The following CEP72 variants were observed in gnomAD, a reference collection of about 807,000 sequenced individuals.
CEP72 encodes the protein centrosomal protein 72.
CEP72 carries 78 observed loss-of-function variants against 65.7 expected under a neutral mutation model. The ratio of observed to expected loss-of-function variants is 1.19; its 90% CI spans 0.99 to 1.43. CEP72 has a LOEUF of 1.43. CEP72 is among the 40% of genes most tolerant of loss of function. CEP72 has a pLI of 0.00. For missense variants in CEP72, 914 were observed against 832.9 expected, an observed-to-expected ratio of 1.10 and a Z score of -1.20; for synonymous variants, 358 against 351.7, an observed-to-expected ratio of 1.02 and a Z score of -0.20.
rs1319562766 is a variant in CEP72, at chr5:624,396, G to A, written c.404-75G>A. ...CCCGAGGGGATGGACACCCTGCCCCGTGTAGATGCCCCAGGGTGGATGCAG... is the reference window on the plus strand; with the variant it reads ...CCCGAGGGGATGGACACCCTGCCCCATGTAGATGCCCCAGGGTGGATGCAG... On this transcript the variant is annotated intron_variant, in intron 3 of 11. Transcript: ENST00000264935. The surrounding 1 kb of genome is among the most constrained non-coding windows in gnomAD (Gnocchi z 4.7). 15 of 1,016,634 alleles carry A rather than the reference G, an allele frequency of 1.5e-5. No individual in the cohort carries two copies. Among genetic ancestry groups the A allele is most frequent in the East Asian group, 1.2e-4 (5 of 41,362 alleles). The allele number at this position is 1,016,634 out of a possible 1,614,324, so 63.0% of individuals were successfully genotyped here.
chr5:669,334 T>TG (rs1274091085), downstream of CEP72, among the ~76,000 whole-genome samples: 2 of 152,240 alleles, frequency 1.3e-5, no homozygotes, highest in East Asian at 3.9e-4. Context: ...TCCGCGGTGT[T>TG]GGGGGTGGAT....
intron 1 of CEP72, 97 bp downstream of exon 1, chr5:612,540 C>T (rs1236902918): frequency 1.6e-6 from 2 of 1,262,116 alleles, no homozygotes; most frequent in East Asian, 3.3e-5. Context: ...AGGCGGGACC[C>T]GTCTACGCAG....
intron 11 of CEP72, among the ~76,000 whole-genome samples, chr5:649,200 A>C (rs1414319202): frequency 2.2e-5 from 2 of 92,766 alleles, no homozygotes; most frequent in East Asian, 3.8e-4. Context: ...GTGAGGTGTG[A>C]CTGTGAGGTG....
rs544017124 is a variant in CEP72, at chr5:624,324, A to G, written c.404-147A>G. 5 of 630,894 alleles carry G rather than the reference A, an allele frequency of 7.9e-6. No homozygotes were observed. In the East Asian group the frequency reaches 1.4e-4, roughly 17 times the overall value. 39.1% of individuals were successfully genotyped at this position (630,894 alleles called of 1,614,324 possible). On this transcript the variant is annotated intron_variant, in intron 3 of 11. Transcript: ENST00000264935. This position sits in a 1 kb window ranked among gnomAD's most constrained non-coding sequence, Gnocchi z 4.7. ...GGCATCGCCGGGAAGCTGTGGGACC[A>G]CCAGAGCCCAGCATTCCGGTGCTAG... is the stretch of plus-strand genomic sequence containing the variant.
intron 10 of CEP72, 74 bp from the exon 11 acceptor site, chr5:647,731 A>G (rs1394627415): frequency 2.1e-6 from 2 of 964,462 alleles, no homozygotes; most frequent in African/African-American, 3.3e-5. Flanking sequence ...TTAAATGTAG[A>G]ATTGTTTTCA....
the CEP72 span, among the ~76,000 whole-genome samples, chr5:672,713 C>T: frequency 6.6e-6 from 1 of 152,206 alleles, no homozygotes; most frequent in Non-Finnish European, 1.5e-5. Context: ...CATGGCTCTA[C>T]CGGGCCCCAC....
intron 1 of CEP72, 193 bp downstream of exon 1, chr5:612,636 C>T (rs1579909651): frequency 2.0e-6 from 2 of 985,176 alleles, no homozygotes; most frequent in Non-Finnish European, 2.4e-6. Flanking sequence ...AGGTGCGGCC[C>T]CTGCCCGCGT....
At chr5:615,212 T>C (rs1203027717) in intron 1 of CEP72, among the ~76,000 whole-genome samples, 2 of 149,800 alleles carry the variant, frequency 1.3e-5, no homozygotes, top group African/African-American at 2.5e-5. Flanking sequence ...CTTGGGTCAC[T>C]GCAACCTCTG....
At chr5:650,301 G>A (rs1228783712) in intron 11 of CEP72, among the ~76,000 whole-genome samples, 1 of 92,242 alleles carries the variant, frequency 1.1e-5, no homozygotes. Flanking sequence ...AGGTGTGACT[G>A]TGAGGTGTGA....
chr5:645,222 G>A lies in CEP72; in HGVS notation c.1666+797G>A, dbSNP rs1386489512. Reference sequence around the variant, plus strand: ...CCAGCGGTGGCCTTTGCGGCAGGGAGGCAGCTGTGGATGAGGCCTGTGGCC... The same window carrying A: ...CCAGCGGTGGCCTTTGCGGCAGGGAAGCAGCTGTGGATGAGGCCTGTGGCC... On this transcript the variant is annotated intron_variant, in intron 10 of 11. Transcript: ENST00000264935. The surrounding 1 kb of genome is among the most constrained non-coding windows in gnomAD (Gnocchi z 4.0). Among the ~76,000 whole-genome samples the A allele has an allele frequency of 6.6e-6, 1 of 152,172 alleles. No homozygotes were observed. Among genetic ancestry groups the A allele is most frequent in the African/African-American group, 2.4e-5 (1 of 41,428 alleles).
At chr5:626,776 G>T (rs142001815) in intron 4 of CEP72, among the ~76,000 whole-genome samples, 1 of 152,126 alleles carries the variant, frequency 6.6e-6, no homozygotes, top group African/African-American at 2.4e-5. Context: ...AGCTATGATC[G>T]CACCACTGCA....
At position 653,300 on chromosome 5, in the gene CEP72, C is replaced by T. The variant is rs1275453602; in HGVS notation, c.*147C>T. ...TAGGATTTTTGGAATGTATTCAGGACCTGTAGCTTGGTTTTCTAAAGCACC... is the reference window on the plus strand; with the variant it reads ...TAGGATTTTTGGAATGTATTCAGGATCTGTAGCTTGGTTTTCTAAAGCACC... On this transcript the variant is annotated 3_prime_UTR_variant, in exon 12 of 12. Coordinates refer to ENST00000264935, the MANE Select transcript of CEP72 (RefSeq NM_018140.4). 6 of 773,620 alleles carry T rather than the reference C, an allele frequency of 7.8e-6. No homozygotes were observed. The highest frequency in any genetic ancestry group is 1.1e-5 in the Non-Finnish European group (6 of 524,126). 47.9% of individuals were successfully genotyped at this position (773,620 alleles called of 1,614,324 possible).
chr5:633,281 A>T (rs906640206), intron 4 of CEP72, among the ~76,000 whole-genome samples: 1 of 76,922 alleles, frequency 1.3e-5, no homozygotes, highest in African/African-American at 6.0e-5. Flanking sequence ...CGGGATTTAG[A>T]CCAGTCCTGG....
chr5:665,054 G>C (rs1739836232), intron 2 of CEP72: 1 of 1,574,862 alleles, frequency 6.3e-7, no homozygotes, highest in African/African-American at 1.3e-5. Context: ...AGGTGACAGA[G>C]TCCCTGCTCT....
Position 616,518 on chromosome 5 carries a change from C to G in CEP72, c.83-2472C>G, listed in dbSNP as rs868273888. 1.3e-4 allele frequency among the ~76,000 whole-genome samples: 20 copies of G among 152,176 alleles called. 1 individual carries two copies. Among genetic ancestry groups the G allele is most frequent in the Middle Eastern group, 3.4e-3 (1 of 294 alleles). ...AATTGCCATTTTTCTGGTTCTTGGTCATTTTTTATCATATTGTGGACATGC... is the reference window on the plus strand; with the variant it reads ...AATTGCCATTTTTCTGGTTCTTGGTGATTTTTTATCATATTGTGGACATGC... On this transcript the variant is annotated intron_variant, in intron 1 of 11. Coordinates refer to ENST00000264935, the MANE Select transcript of CEP72 (RefSeq NM_018140.4).
intron 2 of CEP72, chr5:665,040 T>C (rs763639551): frequency 1.3e-6 from 2 of 1,547,360 alleles, no homozygotes; most frequent in Admixed American, 1.7e-5. Flanking sequence ...TGTAATGAAG[T>C]GCGAGGTGAC....
At chr5:669,079 G>T (rs1740083953), downstream of CEP72, among the ~76,000 whole-genome samples, 1 of 152,254 alleles carries the variant, frequency 6.6e-6, no homozygotes, top group African/African-American at 2.4e-5. Context: ...AAGTGCTCGG[G>T]GTCCCACAGC....
Position 624,955 on chromosome 5 carries a change from G to C in CEP72, c.512+376G>C, listed in dbSNP as rs1736651268. Reference sequence around the variant, plus strand: ...ATCCAGCCAAATCCCACTTCTGGCCGTGAGCACATTCAGCAGGACCCGTCT... The same window carrying C: ...ATCCAGCCAAATCCCACTTCTGGCCCTGAGCACATTCAGCAGGACCCGTCT... On this transcript the variant is annotated intron_variant, in intron 4 of 11. Coordinates refer to ENST00000264935, the MANE Select transcript of CEP72 (RefSeq NM_018140.4). The surrounding 1 kb of genome is among the most constrained non-coding windows in gnomAD (Gnocchi z 4.7). 6.6e-6 allele frequency among the ~76,000 whole-genome samples: 1 copy of C among 152,136 alleles called. No individual in the cohort carries two copies. Among genetic ancestry groups the C allele is most frequent in the Non-Finnish European group, 1.5e-5 (1 of 68,020 alleles).
Position 653,294 on chromosome 5 carries a change from T to C in CEP72, c.*141T>C. 1.2e-6 allele frequency: 1 copy of C among 823,958 alleles called. No individual in the cohort carries two copies. Among genetic ancestry groups the C allele is most frequent in the Non-Finnish European group, 1.8e-6 (1 of 564,932 alleles). The allele number at this position is 823,958 out of a possible 1,614,324, so 51.0% of individuals were successfully genotyped here. A position where few individuals can be genotyped will look rare whatever the true frequency, so the allele number is the denominator to read the frequency against. On this transcript the variant is annotated 3_prime_UTR_variant, in exon 12 of 12. Transcript: ENST00000264935. ...ATTATTTAGGATTTTTGGAATGTATTCAGGACCTGTAGCTTGGTTTTCTAA... is the reference window on the plus strand; with the variant it reads ...ATTATTTAGGATTTTTGGAATGTATCCAGGACCTGTAGCTTGGTTTTCTAA...
Sources: gnomAD v4.1 joint callset for allele counts (sites outside exome capture counted in the v4.1 genomes callset) on GRCh38, gnomAD v4.1.1 for gene constraint, Gnocchi (gnomAD v3.1) non-coding constraint, MANE v1.5 for transcripts, NCBI Gene and HGNC (gene_info 2026-07-23, HGNC 2026-07-21) for gene names.